LAMA2: variants seen among roughly 807,000 people sequenced by gnomAD.
LAMA2 encodes laminin subunit alpha-2.
A neutral mutation model predicts 364.8 loss-of-function variants in LAMA2; 269 were observed. That is an observed-to-expected ratio of 0.74 (90% CI 0.67 to 0.82). The LOEUF (loss-of-function observed/expected upper bound fraction) is 0.82. LAMA2 is among the 40% of genes least tolerant of loss of function. The pLI, the probability that LAMA2 is intolerant of heterozygous loss-of-function variation, is 0.00. For synonymous variants in LAMA2, 1,379 were observed against 1,370.6 expected, an observed-to-expected ratio of 1.01 and a Z score of -0.14; for missense variants, 3,807 against 3,873.2, an observed-to-expected ratio of 0.98 and a Z score of 0.45.
At position 129,503,268 on chromosome 6, in the gene LAMA2, C is replaced by A; in HGVS notation, c.8535C>A (p.Gly2845=). Residue 2845 remains glycine, a synonymous_variant, in exon 60 of 65, where the codon GGC becomes GGA. Transcript: ENST00000421865. ...TGATCCCCACCAAAATCAATGATGG[C>A]CAGTGGCACAAGGTAATAGTCCCCT... ...HTMIPTKIND[G]QWHKIKIMRS... is the part of the protein sequence containing the mutation. The A allele has an allele frequency of 6.2e-7, 1 of 1,613,528 alleles. No individual in the cohort carries two copies. Among genetic ancestry groups the A allele is most frequent in the Non-Finnish European group, 8.5e-7 (1 of 1,179,742 alleles).
At chr6:129,139,491 T>C (rs891957219) in intron 4 of LAMA2, among the ~76,000 whole-genome samples, 26 of 152,136 alleles carry the variant, frequency 1.7e-4, no homozygotes, top group African/African-American at 6.0e-4. Context: ...ATTTAAATAA[T>C]TTTGAAATAT....
chr6:128,975,933 G>A (rs1782503223), intron 1 of LAMA2, among the ~76,000 whole-genome samples: 1 of 151,592 alleles, frequency 6.6e-6, no homozygotes. Flanking sequence ...AGGTAAAGTT[G>A]AAAGACAAGC....
At chr6:128,986,629 C>T (rs1348554813) in intron 1 of LAMA2, among the ~76,000 whole-genome samples, 2 of 151,918 alleles carry the variant, frequency 1.3e-5, no homozygotes, top group Non-Finnish European at 2.9e-5. Context: ...GAAATATTAT[C>T]ATATACAACA....
chr6:128,893,225 T>A (rs546973745), intron 1 of LAMA2, among the ~76,000 whole-genome samples: 1 of 151,930 alleles, frequency 6.6e-6, no homozygotes, highest in East Asian at 1.9e-4. Flanking sequence ...TTTCATGGGG[T>A]TGTTATAAGG....
chr6:129,296,937 A>G (rs901116660), intron 20 of LAMA2, among the ~76,000 whole-genome samples: 1 of 152,222 alleles, frequency 6.6e-6, no homozygotes, highest in Non-Finnish European at 1.5e-5. Context: ...CGAAGCTGGT[A>G]ATGCAAACTT....
chr6:128,943,226 C>T (rs184658056), intron 1 of LAMA2, among the ~76,000 whole-genome samples: 302 of 151,864 alleles, frequency 2.0e-3, no homozygotes, highest in African/African-American at 6.9e-3. Context: ...TATACATACA[C>T]GCACATATAA....
In LAMA2 at chr6:129,492,300, A is replaced by G. The variant is rs368086451; in HGVS notation, c.8076-15A>G. ...AAACGAAAATAAAAAAATCTTATTT[A>G]TTACATTCTATTAGCCCCATGGACT... On this transcript the variant is annotated splice_polypyrimidine_tract_variant and intron_variant, in intron 57 of 64. Coordinates refer to ENST00000421865, the MANE Select transcript of LAMA2 (RefSeq NM_000426.4). The G allele has an allele frequency of 2.5e-5, 41 of 1,612,282 alleles. No homozygotes were observed. The African/African-American group carries it at 4.4e-4, about 17-fold the overall frequency.
chr6:129,266,595 C>T (rs1234985144), intron 15 of LAMA2, among the ~76,000 whole-genome samples: 1 of 152,056 alleles, frequency 6.6e-6, no homozygotes, highest in Admixed American at 6.6e-5. Context: ...AGTGTGGGTG[C>T]TGCCTTTCTT....
chr6:129,093,489 A>G (rs577428439), intron 3 of LAMA2, among the ~76,000 whole-genome samples: 1 of 152,280 alleles, frequency 6.6e-6, no homozygotes, highest in Admixed American at 6.5e-5. Context: ...CCAGTGCTGT[A>G]CAAATATCAT....
In LAMA2 at chr6:128,883,364, T is replaced by C; in HGVS notation, c.112+7T>C. ...CAGGCACATCAGCAAAGAGGTACAG[T>C]CGAGGCATGGGCTTGGGTTGCATCC... On this transcript the variant is annotated splice_region_variant and intron_variant, in intron 1 of 64. Transcript: ENST00000421865. 3 of 1,587,590 alleles carry C rather than the reference T, an allele frequency of 1.9e-6. No individual in the cohort carries two copies. Among genetic ancestry groups the C allele is most frequent in the Non-Finnish European group, 2.6e-6 (3 of 1,167,138 alleles).
In LAMA2 at chr6:129,149,054, C is replaced by A. The variant is rs758208226; in HGVS notation, c.985C>A (p.Pro329Thr). ...DQCCPGFHQK[P>T]WRAGTFLTKT... The stretch of plus-strand genomic sequence containing the variant: ...GTGCTGTCCAGGATTCCATCAGAAA[C>A]CCTGGAGAGCTGGAACTTTTCTAAC... The change falls in exon 7 of 65, where the codon CCC becomes ACC. Residue 329 changes from proline to threonine, a missense_variant. Transcript: ENST00000421865. The A allele has an allele frequency of 2.5e-6, 4 of 1,612,464 alleles. No homozygotes were observed. The highest frequency in any genetic ancestry group is 2.2e-5 in the South Asian group (2 of 91,050).
At chr6:129,043,934 T>TG in intron 1 of LAMA2, among the ~76,000 whole-genome samples, 1 of 151,788 alleles carries the variant, frequency 6.6e-6, no homozygotes, top group East Asian at 1.9e-4. Context: ...CTGGCATCAG[T>TG]GAGCAATTTG....
At chr6:128,930,180 C>T (rs533047906) in intron 1 of LAMA2, among the ~76,000 whole-genome samples, 26 of 152,348 alleles carry the variant, frequency 1.7e-4, no homozygotes, top group Admixed American at 1.3e-3. Context: ...GCGCGACTGC[C>T]ACAAGGGAAG....
intron 7 of LAMA2, among the ~76,000 whole-genome samples, chr6:129,153,170 T>G (rs775539997): frequency 1.3e-5 from 2 of 152,194 alleles, no homozygotes; most frequent in Non-Finnish European, 2.9e-5. Flanking sequence ...ATTCTTCTAA[T>G]GTAACATGAA....
intron 1 of LAMA2, among the ~76,000 whole-genome samples, chr6:129,008,106 A>T (rs1407721968): frequency 1.3e-5 from 2 of 152,212 alleles, no homozygotes; most frequent in Non-Finnish European, 2.9e-5. Flanking sequence ...GAAATCATGG[A>T]GGACAATGAC....
At chr6:129,158,928 C>T in intron 8 of LAMA2, 1 of 1,599,974 alleles carries the variant, frequency 6.3e-7, no homozygotes, top group Non-Finnish European at 8.6e-7. Flanking sequence ...GGGCAGTGCC[C>T]TCAGCAATAG....
At chr6:129,481,516 T>C (rs1017918090) in intron 55 of LAMA2, 77 bp downstream of exon 55, 1 of 1,184,976 alleles carries the variant, frequency 8.4e-7, no homozygotes, top group African/African-American at 1.5e-5. Flanking sequence ...GTATTTTTAG[T>C]TTCGTATCAT....
intron 40 of LAMA2, among the ~76,000 whole-genome samples, chr6:129,427,012 A>G (rs751311288): frequency 2.6e-5 from 4 of 152,224 alleles, no homozygotes. Context: ...TATATGAATT[A>G]TGTAATGATT....
chr6:128,971,183 C>T (rs897628783), intron 1 of LAMA2, among the ~76,000 whole-genome samples: 1 of 152,152 alleles, frequency 6.6e-6, no homozygotes, highest in African/African-American at 2.4e-5. Context: ...AGTGAAAGCA[C>T]TTTGAAGCAT....
Sources: allele counts gnomAD v4.1 joint callset (sites outside exome capture counted in the v4.1 genomes callset), GRCh38; gene constraint gnomAD v4.1.1; transcripts MANE v1.5; gene names NCBI Gene and HGNC (gene_info 2026-07-23, HGNC 2026-07-21).